CSF1: variants seen among roughly 807,000 people sequenced by gnomAD.
CSF1 encodes macrophage colony-stimulating factor 1.
Under a neutral mutation model 48.9 loss-of-function variants are expected in CSF1, and 9 were observed. The ratio of observed to expected loss-of-function variants is 0.18; its 90% CI spans 0.11 to 0.32. CSF1 has a LOEUF of 0.32. CSF1 is among the 10% of genes least tolerant of loss of function. The pLI is 1.00. For synonymous variants in CSF1, 305 were observed against 284.1 expected, an observed-to-expected ratio of 1.07 and a Z score of -0.74; for missense variants, 672 against 697.9, an observed-to-expected ratio of 0.96 and a Z score of 0.42.
intron 4 of CSF1, among the ~76,000 whole-genome samples, chr1:109,918,022 G>A (rs1647328317): frequency 6.6e-6 from 1 of 152,210 alleles, no homozygotes; most frequent in African/African-American, 2.4e-5. Context: ...GGAGGAGTGA[G>A]CTGGGAACAA....
intron 1 of CSF1, among the ~76,000 whole-genome samples, chr1:109,913,694 G>A (rs776141956): frequency 1.3e-4 from 20 of 152,236 alleles, no homozygotes; most frequent in Non-Finnish European, 1.8e-4. Context: ...GCTCCAAGAT[G>A]TCTCTGGCAA....
Position 109,923,149 on chromosome 1 carries a change from C to G in CSF1, c.545-17C>G. 1 of 1,508,372 alleles carries G rather than the reference C, an allele frequency of 6.6e-7. No individual in the cohort carries two copies. Among genetic ancestry groups the G allele is most frequent in the Non-Finnish European group, 8.9e-7 (1 of 1,127,666 alleles). 93.4% of individuals were successfully genotyped at this position (1,508,372 alleles called of 1,614,324 possible). A position where few individuals can be genotyped will look rare whatever the true frequency, so the allele number is the denominator to read the frequency against. ...CCTCCCCATCTTTCTCTCTCCTTCT[C>G]TCTGTGGTTCTTTCAGATGTGGTGA... On this transcript the variant is annotated splice_polypyrimidine_tract_variant and intron_variant, in intron 5 of 8. Transcript: ENST00000329608.
At chr1:109,927,608 C>A (rs1647899625) in intron 8 of CSF1, among the ~76,000 whole-genome samples, 1 of 151,808 alleles carries the variant, frequency 6.6e-6, no homozygotes. Flanking sequence ...CTTTCCTCTT[C>A]CCCCTCAAGA....
rs1654878074 is a variant in CSF1 at position 109,915,839 on chromosome 1, G to T, written c.225+143G>T. 7 of 721,680 alleles carry T rather than the reference G, an allele frequency of 9.7e-6. No homozygotes were observed. The South Asian group carries it at 9.9e-5, about 10-fold the overall frequency. 44.7% of individuals were successfully genotyped at this position (721,680 alleles called of 1,614,324 possible). On this transcript the variant is annotated intron_variant, in intron 3 of 8. Coordinates refer to ENST00000329608, the MANE Select transcript of CSF1 (RefSeq NM_000757.6). ...AGGATCCATGGGTGCTCAACTCTGG[G>T]GTGCCAGGATCCAGGGCTCAAGTCC...
intron 7 of CSF1, 150 bp downstream of exon 7, chr1:109,924,978 C>T: frequency 9.5e-7 from 1 of 1,055,542 alleles, no homozygotes; most frequent in Non-Finnish European, 1.4e-6. Context: ...TCTGTCCTTT[C>T]CCAGATATCT....
rs1647682603 is a variant in CSF1, at chr1:109,923,617, C to T, written c.996C>T (p.Ser332=). 2 of 1,614,146 alleles carry T rather than the reference C, an allele frequency of 1.2e-6. No homozygotes were observed. Among genetic ancestry groups the T allele is most frequent in the East Asian group, 2.2e-5 (1 of 44,880 alleles). ...CCCCCTCCAGGCCAGGAGGGGGCAGCATGCAGACAGAGCCCGCCAGACCCA... is the reference window on the plus strand; with the variant it reads ...CCCCCTCCAGGCCAGGAGGGGGCAGTATGCAGACAGAGCCCGCCAGACCCA... ...ELSPSRPGGG[S]MQTEPARPSN... Residue 332 remains serine, a synonymous_variant, in exon 6 of 9, where the codon AGC becomes AGT. Transcript: ENST00000329608.
chr1:109,918,426 G>C (rs1466319664), intron 4 of CSF1, among the ~76,000 whole-genome samples: 1 of 152,204 alleles, frequency 6.6e-6, no homozygotes, highest in African/African-American at 2.4e-5. Context: ...TTGCTATGTG[G>C]AGGATAGACC....
Position 109,925,154 on chromosome 1 carries a change from A to G in CSF1, c.1630A>G (p.Thr544Ala). The change falls in exon 8 of 9, where the codon ACT becomes GCT. Residue 544 changes from threonine to alanine, a missense_variant. Thr to Ala is a moderately conservative substitution (Grantham distance 58). This residue lies in a region of CSF1 where 591 missense variants were observed against 593.6 expected (regional missense o/e 1.00). Transcript: ENST00000329608. ...PLEQPEGSPL[T>A]QDDRQVELPV ...CCTGTGCTCTGCCTGCAGCCCCCTG[A>G]CTCAGGATGACAGACAGGTGGAACT... The G allele has an allele frequency of 6.2e-7, 1 of 1,613,864 alleles. No homozygotes were observed. The highest frequency in any genetic ancestry group is 8.5e-7 in the Non-Finnish European group (1 of 1,179,960).
intron 1 of CSF1, among the ~76,000 whole-genome samples, chr1:109,913,871 G>A (rs762866031): frequency 1.3e-5 from 2 of 152,236 alleles, no homozygotes; most frequent in Non-Finnish European, 2.9e-5. Context: ...TTCAAAAAGT[G>A]CTTGGCTCAG....
At chr1:109,922,197 G>T (rs1647589344) in intron 5 of CSF1, 1 of 453,834 alleles carries the variant, frequency 2.2e-6, no homozygotes, top group African/African-American at 2.0e-5. Flanking sequence ...TCTGACATGT[G>T]TGTGCATGCA....
chr1:109,917,472 C>G lies in CSF1; in HGVS notation c.396+9C>G. On this transcript the variant is annotated intron_variant, in intron 4 of 8. Coordinates refer to ENST00000329608, the MANE Select transcript of CSF1 (RefSeq NM_000757.6). Reference sequence around the variant, plus strand: ...ATGAAGAGCATGACAAGGTAGGAAGCCCTGAGGCCTGGAGCACTGAGTGAG... The same window carrying G: ...ATGAAGAGCATGACAAGGTAGGAAGGCCTGAGGCCTGGAGCACTGAGTGAG... 6.2e-7 allele frequency: 1 copy of G among 1,613,344 alleles called. No homozygotes were observed. Among genetic ancestry groups the G allele is most frequent in the Non-Finnish European group, 8.5e-7 (1 of 1,179,702 alleles).
At position 109,923,406 on chromosome 1, in the gene CSF1, A is replaced by G; in HGVS notation, c.785A>G (p.Glu262Gly). The G allele has an allele frequency of 2.5e-6, 4 of 1,613,924 alleles. No homozygotes were observed. The highest frequency in any genetic ancestry group is 3.4e-6 in the Non-Finnish European group (4 of 1,179,952). The change falls in exon 6 of 9, where the codon GAG (glutamate) becomes GGG (glycine). Residue 262 changes from glutamate to glycine, a missense_variant. This residue lies in a region of CSF1 where 591 missense variants were observed against 593.6 expected (regional missense o/e 1.00). Coordinates refer to ENST00000329608, the MANE Select transcript of CSF1 (RefSeq NM_000757.6). ...RPPRSTCQSF[E>G]PPETPVVKDS... ...CCCAGGAGCACCTGCCAGAGCTTTG[A>G]GCCGCCAGAGACCCCAGTTGTCAAG...
intron 7 of CSF1, 121 bp from the exon 8 acceptor site, chr1:109,925,026 C>T: frequency 9.1e-7 from 1 of 1,101,562 alleles, no homozygotes; most frequent in Non-Finnish European, 1.4e-6. Context: ...TTAGACAGTT[C>T]TGGGTCTTTT....
chr1:109,917,192 G>A lies in CSF1; in HGVS notation c.226-101G>A. ...GCTGGCATGGTGTGGTCCCTCCCCT[G>A]GGGGAAGGGGGAGAGCAAGCTGCAA... On this transcript the variant is annotated intron_variant, in intron 3 of 8. Coordinates refer to ENST00000329608, the MANE Select transcript of CSF1 (RefSeq NM_000757.6). 4 of 1,267,364 alleles carry A rather than the reference G, an allele frequency of 3.2e-6. No homozygotes were observed. The highest frequency in any genetic ancestry group is 4.7e-5 in the East Asian group (2 of 42,952). The allele number at this position is 1,267,364 out of a possible 1,614,324, so 78.5% of individuals were successfully genotyped here.
chr1:109,923,348 A>T lies in CSF1; in HGVS notation c.727A>T (p.Thr243Ser). 6.2e-7 allele frequency: 1 copy of T among 1,612,282 alleles called. No homozygotes were observed. The highest frequency in any genetic ancestry group is 1.1e-5 in the South Asian group (1 of 90,824). ...CTTGCCTGGTGAGCAGCCCCTGCAC[A>T]CAGTGGATCCAGGCAGTGCCAAGCA... Reference protein sequence around the residue: ...SLLPGEQPLHTVDPGSAKQRP... With the variant: ...SLLPGEQPLHSVDPGSAKQRP... Residue 243 changes from threonine to serine, a missense_variant, in exon 6 of 9, where the codon ACA (threonine) becomes TCA (serine). Physicochemically the swap from Thr to Ser is moderately conservative, Grantham distance 58 (BLOSUM62 1). Coordinates refer to ENST00000329608, the MANE Select transcript of CSF1 (RefSeq NM_000757.6).
intron 1 of CSF1, among the ~76,000 whole-genome samples, chr1:109,911,647 G>A (rs1237279311): frequency 6.6e-6 from 1 of 152,218 alleles, no homozygotes; most frequent in Non-Finnish European, 1.5e-5. Flanking sequence ...TTGGGGGGTG[G>A]GGTGGGGGAC....
At chr1:109,914,754 G>A (rs1654827398) in intron 2 of CSF1, among the ~76,000 whole-genome samples, 2 of 152,234 alleles carry the variant, frequency 1.3e-5, no homozygotes, top group African/African-American at 4.8e-5. Flanking sequence ...GCTGTGTCCA[G>A]ATGTTGCATC....
chr1:109,917,547 A>G, intron 4 of CSF1, 84 bp downstream of exon 4: 1 of 1,353,734 alleles, frequency 7.4e-7, no homozygotes, highest in Non-Finnish European at 1.0e-6. Flanking sequence ...CACAGAGTAC[A>G]TTCGCTCACC....
In CSF1 at chr1:109,918,667, A is replaced by G. The variant is rs151098252; in HGVS notation, c.396+1204A>G. Among the ~76,000 whole-genome samples, 514 of 152,268 alleles carry G rather than the reference A, an allele frequency of 3.4e-3. 2 individuals carry two copies. Among genetic ancestry groups the G allele is most frequent in the Middle Eastern group, 0.01 (3 of 294 alleles). ...TTGTCTTGAGCACCTGGATATTCCAATGATGCTGAAACGGGGATGATCCAT... is the reference window on the plus strand; with the variant it reads ...TTGTCTTGAGCACCTGGATATTCCAGTGATGCTGAAACGGGGATGATCCAT... On this transcript the variant is annotated intron_variant, in intron 4 of 8. Coordinates refer to ENST00000329608, the MANE Select transcript of CSF1 (RefSeq NM_000757.6).
Sources: gnomAD v4.1 joint callset for allele counts (sites outside exome capture counted in the v4.1 genomes callset) on GRCh38, gnomAD v4.1.1 for gene constraint, gnomAD v4.1.1 regional missense constraint, MANE v1.5 for transcripts, NCBI Gene and HGNC (gene_info 2026-07-23, HGNC 2026-07-21) for gene names.